GALNT7: variants seen among roughly 807,000 people sequenced by gnomAD.
GALNT7 encodes polypeptide N-acetylgalactosaminyltransferase 7.
In GALNT7, 60 loss-of-function variants were observed where a neutral mutation model predicts 82.1. The ratio of observed to expected loss-of-function variants is 0.73; its 90% confidence interval spans 0.59 to 0.91. The LOEUF (loss-of-function observed/expected upper bound fraction) is 0.91, where lower values mean the gene tolerates loss of function less well. Ranked by LOEUF, GALNT7 falls within the 40% of genes least tolerant of loss-of-function variation. GALNT7 has a pLI of 0.00. For missense variants in GALNT7, 660 were observed against 804.2 expected, an observed-to-expected ratio of 0.82 and a Z score of 2.17; for synonymous variants, 243 against 275.1, an observed-to-expected ratio of 0.88 and a Z score of 1.15.
At chr4:173,297,900 C>G in intron 5 of GALNT7, 1 of 1,503,868 alleles carries the variant, frequency 6.6e-7, no homozygotes, top group Non-Finnish European at 8.8e-7. Context: ...GGGCCTGGGA[C>G]TGGAGTTTAC....
intron 1 of GALNT7, among the ~76,000 whole-genome samples, chr4:173,235,476 C>T (rs1734189609): frequency 6.6e-6 from 1 of 152,178 alleles, no homozygotes; most frequent in African/African-American, 2.4e-5. Flanking sequence ...TCCCTCCTGT[C>T]TTCACCTAAG....
chr4:173,264,646 T>G (rs1735413189), intron 2 of GALNT7, among the ~76,000 whole-genome samples: 1 of 152,224 alleles, frequency 6.6e-6, no homozygotes, highest in Non-Finnish European at 1.5e-5. Flanking sequence ...CGTGGGCTCC[T>G]CCAACAAGTT....
At chr4:173,184,156 G>C (rs1180125763) in intron 1 of GALNT7, among the ~76,000 whole-genome samples, 1 of 151,112 alleles carries the variant, frequency 6.6e-6, no homozygotes, top group Admixed American at 6.6e-5. Flanking sequence ...CCCAGACGAT[G>C]GGCGGCCAGG....
rs1259136781 is a variant in GALNT7 at position 173,248,058 on chromosome 4, G to C, written c.205G>C (p.Val69Leu). The C allele has an allele frequency of 1.2e-6, 2 of 1,613,630 alleles. No homozygotes were observed. The highest frequency in any genetic ancestry group is 4.5e-5 in the East Asian group (2 of 44,892). ...TCCTGGGGAGGACAGATTCAAACCTGTGGTACCATGGCCTCATGTTGAAGG... is the reference window on the plus strand; with the variant it reads ...TCCTGGGGAGGACAGATTCAAACCTCTGGTACCATGGCCTCATGTTGAAGG... Reference protein sequence around the residue: ...LAPGEDRFKPVVPWPHVEGVE... With the variant: ...LAPGEDRFKPLVPWPHVEGVE... Residue 69 changes from valine (V) to leucine (L), a missense_variant, in exon 2 of 12, where the codon GTG (valine) becomes CTG (leucine). By Grantham distance (32) the Val-to-Leu change is conservative. Coordinates refer to ENST00000265000, the MANE Select transcript of GALNT7 (RefSeq NM_017423.3).
At chr4:173,213,071 A>T (rs1405097345) in intron 1 of GALNT7, among the ~76,000 whole-genome samples, 1 of 152,182 alleles carries the variant, frequency 6.6e-6, no homozygotes, top group Non-Finnish European at 1.5e-5. Flanking sequence ...CTTGTATTAA[A>T]TATCTGAGAA....
Position 173,322,355 on chromosome 4 carries a change from A to G in GALNT7, c.*638A>G, listed in dbSNP as rs1309020403. On this transcript the variant is annotated 3_prime_UTR_variant, in exon 12 of 12. Transcript: ENST00000265000. ...CACCTGTATGGGGAATACTTTTACTACTCAGAAATGAATTTATGTGCTGCC... is the reference window on the plus strand; with the variant it reads ...CACCTGTATGGGGAATACTTTTACTGCTCAGAAATGAATTTATGTGCTGCC... 2.0e-5 allele frequency: 3 copies of G among 152,604 alleles called. No individual in the cohort carries two copies. Among genetic ancestry groups the G allele is most frequent in the African/African-American group, 7.2e-5 (3 of 41,430 alleles). The allele number at this position is 152,604 out of a possible 1,614,324, so 9.5% of individuals were successfully genotyped here.
intron 2 of GALNT7, among the ~76,000 whole-genome samples, chr4:173,251,545 C>T (rs1275235682): frequency 2.0e-5 from 3 of 152,186 alleles, no homozygotes; most frequent in East Asian, 1.9e-4. Flanking sequence ...TCTACTAGTA[C>T]CTTCCATGAT....
In GALNT7 at chr4:173,215,232, CT is replaced by C. The variant is rs571862059; in HGVS notation, c.127-32732del. Among the ~76,000 whole-genome samples the C allele has an allele frequency of 4.2e-3, 591 of 139,830 alleles. 2 individuals carry two copies. Among genetic ancestry groups the C allele is most frequent in the African/African-American group, 9.1e-3 (350 of 38,404 alleles). The allele number at this position is 139,830 out of a possible 152,430, so 91.7% of individuals were successfully genotyped here. Reference sequence around the variant, plus strand: ...ACCACCAACCTCTGCTCTTCTTCTTCTTTTTTTTTTTTTTTTGATATGGAGT... The same window carrying C: ...ACCACCAACCTCTGCTCTTCTTCTTCTTTTTTTTTTTTTTTGATATGGAGT... On this transcript the variant is annotated intron_variant, in intron 1 of 11. Transcript: ENST00000265000.
At chr4:173,249,031 C>A (rs536006541) in intron 2 of GALNT7, among the ~76,000 whole-genome samples, 3 of 152,224 alleles carry the variant, frequency 2.0e-5, no homozygotes, top group African/African-American at 7.2e-5. Flanking sequence ...ATTTCCAATT[C>A]TTTTCATGTA....
intron 3 of GALNT7, among the ~76,000 whole-genome samples, chr4:173,295,145 T>C (rs1736673928): frequency 6.6e-6 from 1 of 152,224 alleles, no homozygotes; most frequent in African/African-American, 2.4e-5. Flanking sequence ...AAACCTTAAC[T>C]GTCAATTCGA....
chr4:173,214,651 T>G (rs188960767), intron 1 of GALNT7, among the ~76,000 whole-genome samples: 1 of 152,318 alleles, frequency 6.6e-6, no homozygotes, highest in East Asian at 1.9e-4. Flanking sequence ...TCAATAGAGC[T>G]GTTTCAACCA....
At chr4:173,216,887 C>T (rs532301277) in intron 1 of GALNT7, among the ~76,000 whole-genome samples, 2 of 150,712 alleles carry the variant, frequency 1.3e-5, no homozygotes, top group East Asian at 2.0e-4. Context: ...CCTGCCACCA[C>T]GCCTGGCTAA....
chr4:173,298,050 C>T (rs1031610339), intron 5 of GALNT7, 65 bp from the exon 6 acceptor site: 22 of 1,558,916 alleles, frequency 1.4e-5, no homozygotes, highest in Middle Eastern at 1.7e-4. Context: ...CCCATGAACT[C>T]GTATAAATGT....
intron 1 of GALNT7, among the ~76,000 whole-genome samples, chr4:173,188,257 TTCTAGG>T (rs1732517378): frequency 6.6e-6 from 1 of 152,232 alleles, no homozygotes; most frequent in Non-Finnish European, 1.5e-5. Context: ...TCACTTGGTC[TTCTAGG>T]TAACAACTAG....
At chr4:173,220,263 T>C (rs558772913) in intron 1 of GALNT7, among the ~76,000 whole-genome samples, 1 of 152,312 alleles carries the variant, frequency 6.6e-6, no homozygotes, top group African/African-American at 2.4e-5. Context: ...TTCCCCACTT[T>C]ATGTTTTTGT....
intron 9 of GALNT7, among the ~76,000 whole-genome samples, chr4:173,315,322 T>G (rs557261738): frequency 6.6e-6 from 1 of 151,952 alleles, no homozygotes. Context: ...GGGGAGTGAA[T>G]GGAGGGGGCA....
intron 2 of GALNT7, among the ~76,000 whole-genome samples, chr4:173,277,192 T>A (rs530143488): frequency 2.0e-5 from 3 of 152,290 alleles, no homozygotes; most frequent in East Asian, 3.9e-4. Context: ...TAGTTTAACC[T>A]TAAACAAAAA....
At chr4:173,279,968 T>C (rs190361693) in intron 2 of GALNT7, among the ~76,000 whole-genome samples, 54 of 152,060 alleles carry the variant, frequency 3.6e-4, no homozygotes, top group Non-Finnish European at 6.6e-4. Flanking sequence ...AGCGAGACTC[T>C]GTCTCAATAA....
intron 9 of GALNT7, among the ~76,000 whole-genome samples, chr4:173,314,492 C>G (rs2060817261): frequency 6.6e-6 from 1 of 152,184 alleles, no homozygotes; most frequent in Non-Finnish European, 1.5e-5. Flanking sequence ...CTGCTCTCAA[C>G]TTAGAGATCA....
Sources: gnomAD v4.1 joint callset for allele counts (sites outside exome capture counted in the v4.1 genomes callset) on GRCh38, gnomAD v4.1.1 for gene constraint, MANE v1.5 for transcripts, NCBI Gene and HGNC (gene_info 2026-07-23, HGNC 2026-07-21) for gene names.